The following SGCG variants were observed in gnomAD, a reference collection of about 807,000 sequenced individuals.
SGCG encodes gamma-sarcoglycan.
A neutral mutation model predicts 29.3 loss-of-function variants in SGCG; 26 were observed. The ratio of observed to expected loss-of-function variants is 0.89; its 90% CI spans 0.65 to 1.23. The LOEUF (loss-of-function observed/expected upper bound fraction) is 1.23, where lower values mean the gene tolerates loss of function less well. Among genes scored for constraint, SGCG ranks in the 50% most tolerant of loss-of-function variants. The probability of loss-of-function intolerance (pLI) is 0.00; values close to 1 mark genes in which losing one functional copy is unlikely to be tolerated. For synonymous variants in SGCG, 145 were observed against 129.7 expected (o/e 1.12, Z -0.80); for missense variants, 353 against 356.0 (o/e 0.99, Z 0.07).
At chr13:23,189,923 T>C (rs770723466) in intron 1 of SGCG, among the ~76,000 whole-genome samples, 23 of 152,204 alleles carry the variant, frequency 1.5e-4, no homozygotes, top group Non-Finnish European at 3.1e-4. Flanking sequence ...CTACCTTAAA[T>C]AGTGGTTATG....
intron 7 of SGCG, among the ~76,000 whole-genome samples, chr13:23,323,733 G>A (rs970568378): frequency 1.8e-4 from 28 of 152,170 alleles, no homozygotes; most frequent in African/African-American, 6.5e-4. Context: ...TCTAATAGGA[G>A]GCTGTGCAGT....
the SGCG span, among the ~76,000 whole-genome samples, chr13:23,168,489 G>A: frequency 1.2e-4 from 18 of 152,206 alleles, no homozygotes; most frequent in Non-Finnish European, 2.5e-4. Context: ...ACCAAAGACA[G>A]CAGTAGTAGC....
In SGCG at chr13:23,294,271, C is replaced by A. The variant is rs552480971; in HGVS notation, c.506-1144C>A. Among the ~76,000 whole-genome samples, 9 of 152,250 alleles carry A rather than the reference C, an allele frequency of 5.9e-5. No individual in the cohort carries two copies. In the South Asian group the frequency reaches 1.9e-3, roughly 32 times the overall value. On this transcript the variant is annotated intron_variant, in intron 5 of 7. Coordinates refer to ENST00000218867, the MANE Select transcript of SGCG (RefSeq NM_000231.3). Reference sequence around the variant, plus strand: ...GGAAATCATGATGCACATATATAAGCAATGTGGTGCTGCTTATATCTGTGA... The same window carrying A: ...GGAAATCATGATGCACATATATAAGAAATGTGGTGCTGCTTATATCTGTGA...
chr13:23,294,195 G>A (rs1220457036), intron 5 of SGCG, among the ~76,000 whole-genome samples: 1 of 152,216 alleles, frequency 6.6e-6, no homozygotes, highest in Non-Finnish European at 1.5e-5. Context: ...ACCTGAGCCA[G>A]AGGTGGGACC....
intron 6 of SGCG, among the ~76,000 whole-genome samples, chr13:23,295,748 T>G (rs894380277): frequency 1.3e-5 from 2 of 152,194 alleles, no homozygotes; most frequent in Non-Finnish European, 2.9e-5. Context: ...CCTCTCACAC[T>G]GGTATCAAAA....
Position 23,317,144 on chromosome 13 carries a change from G to A in SGCG, c.579-3493G>A, listed in dbSNP as rs544850894. On this transcript the variant is annotated intron_variant, in intron 6 of 7. Coordinates refer to ENST00000218867, the MANE Select transcript of SGCG (RefSeq NM_000231.3). ...CAGGAGGCAGAGCTTGTAGTGAGCC[G>A]AGACCACACCACTGCACTGCAGCCT... is the stretch of plus-strand genomic sequence containing the variant. Among the ~76,000 whole-genome samples, 52 of 151,664 alleles carry A rather than the reference G, an allele frequency of 3.4e-4. 1 individual carries two copies. Among genetic ancestry groups the A allele is most frequent in the African/African-American group, 5.6e-4 (23 of 41,350 alleles).
rs115140897 is a variant in SGCG at position 23,253,340 on chromosome 13, G to T, written c.385+2623G>T. 2.7e-3 allele frequency among the ~76,000 whole-genome samples: 404 copies of T among 152,316 alleles called. 3 individuals are homozygous for T. Among genetic ancestry groups the T allele is most frequent in the African/African-American group, 9.2e-3 (384 of 41,564 alleles). ...TTTAACCTTGGTGTCTCATGCCTGA[G>T]AAAGTGATTTAATTAGTGATTTCTA... On this transcript the variant is annotated intron_variant, in intron 4 of 7. Coordinates refer to ENST00000218867, the MANE Select transcript of SGCG (RefSeq NM_000231.3).
At chr13:23,316,599 G>A (rs990696914) in intron 6 of SGCG, among the ~76,000 whole-genome samples, 1 of 152,164 alleles carries the variant, frequency 6.6e-6, no homozygotes, top group African/African-American at 2.4e-5. Flanking sequence ...CCAATATGTG[G>A]TACTGTTTCT....
At chr13:23,297,586 G>A (rs1566036524) in intron 6 of SGCG, among the ~76,000 whole-genome samples, 1 of 152,218 alleles carries the variant, frequency 6.6e-6, no homozygotes, top group African/African-American at 2.4e-5. Context: ...ATTGTTTGTG[G>A]TTTAAGAACG....
At chr13:23,289,638 G>C (rs4992860) in intron 5 of SGCG, among the ~76,000 whole-genome samples, 96,843 of 151,578 alleles carry the variant, frequency 0.64, 32,540 homozygotes, top group Middle Eastern at 0.84. Flanking sequence ...ATTTAAAACT[G>C]ACATTCATTG....
intron 3 of SGCG, among the ~76,000 whole-genome samples, chr13:23,240,510 A>C (rs1054762081): frequency 2.0e-5 from 3 of 152,228 alleles, no homozygotes; most frequent in Non-Finnish European, 4.4e-5. Flanking sequence ...CAACAACAGC[A>C]GACAGAGTTC....
At chr13:23,272,869 T>A (rs1880920951) in intron 4 of SGCG, among the ~76,000 whole-genome samples, 1 of 152,240 alleles carries the variant, frequency 6.6e-6, no homozygotes, top group Admixed American at 6.5e-5. Flanking sequence ...ACTGCCTGTT[T>A]CATCATGGTT....
chr13:23,306,025 AATTATT>A (rs527613380), intron 6 of SGCG, among the ~76,000 whole-genome samples: 6 of 151,488 alleles, frequency 4.0e-5, no homozygotes, highest in East Asian at 1.9e-4. Context: ...AATGCACTAC[AATTATT>A]ATTATTATTA....
intron 1 of SGCG, 117 bp from the exon 2 acceptor site, chr13:23,203,578 A>G (rs541938246): frequency 2.0e-5 from 15 of 745,726 alleles, no homozygotes; most frequent in Admixed American, 1.2e-4. Context: ...TTGGAAATCT[A>G]TGACTGGGAT....
At chr13:23,248,051 G>A (rs1879788086) in intron 3 of SGCG, among the ~76,000 whole-genome samples, 2 of 150,202 alleles carry the variant, frequency 1.3e-5, no homozygotes, top group African/African-American at 4.9e-5. Context: ...AAAGCGGGTG[G>A]ATCACTTGAG....
intron 2 of SGCG, among the ~76,000 whole-genome samples, chr13:23,231,748 C>T (rs2137541358): frequency 6.6e-6 from 1 of 152,146 alleles, no homozygotes; most frequent in East Asian, 1.9e-4. Flanking sequence ...TGAGAAAATC[C>T]CAAACAGCAG....
chr13:23,234,051 A>G (rs923425125), intron 2 of SGCG, among the ~76,000 whole-genome samples: 3 of 152,194 alleles, frequency 2.0e-5, no homozygotes, highest in Non-Finnish European at 2.9e-5. Flanking sequence ...CTTCCATCCA[A>G]TCTGGTAATC....
At chr13:23,299,456 A>ATATATTTTTTTTT (rs1882059808) in intron 6 of SGCG, among the ~76,000 whole-genome samples, 6 of 41,544 alleles carry the variant, frequency 1.4e-4, no homozygotes, top group Non-Finnish European at 1.9e-4. Context: ...ATATATATAT[A>ATATATTTTTTTTT]TTTTTTTTTT....
chr13:23,282,616 G>A (rs1881348750), intron 5 of SGCG, among the ~76,000 whole-genome samples: 1 of 152,180 alleles, frequency 6.6e-6, no homozygotes, highest in South Asian at 2.1e-4. Flanking sequence ...GTTTGCTAAG[G>A]ATAATAGTCT....
Sources: gnomAD v4.1 joint callset for allele counts (sites outside exome capture counted in the v4.1 genomes callset) on GRCh38, gnomAD v4.1.1 for gene constraint, MANE v1.5 for transcripts, NCBI Gene and HGNC (gene_info 2026-07-23, HGNC 2026-07-21) for gene names.